Variants in RASA1 observed in about 807,000 individuals in gnomAD.
RASA1 encodes the protein ras GTPase-activating protein 1.
RASA1 carries 25 observed loss-of-function variants against 132.2 expected under a neutral mutation model. The observed-to-expected ratio is 0.19, with a 90% CI of 0.14 to 0.26. The LOEUF (loss-of-function observed/expected upper bound fraction) is 0.26, where lower values mean the gene tolerates loss of function less well. Ranked by LOEUF, RASA1 falls within the 10% of genes least tolerant of loss-of-function variation. The pLI is 1.00. For synonymous variants in RASA1, 477 were observed against 449.9 expected (o/e 1.06, Z -0.76); for missense variants, 964 against 1,299.2 (o/e 0.74, Z 3.97).
chr5:87,306,839 T>C (rs949578138), intron 1 of RASA1, among the ~76,000 whole-genome samples: 3 of 152,134 alleles, frequency 2.0e-5, no homozygotes, highest in Admixed American at 2.0e-4. Flanking sequence ...GTACTGTACA[T>C]GTATGTCTGC....
At chr5:87,270,692 T>G (rs1753793307) in intron 1 of RASA1, among the ~76,000 whole-genome samples, 1 of 134,762 alleles carries the variant, frequency 7.4e-6, no homozygotes, top group African/African-American at 2.8e-5. Context: ...TTGGATAAGC[T>G]TCTTTGGAGC....
intron 20 of RASA1, among the ~76,000 whole-genome samples, chr5:87,380,949 C>T (rs1161124561): frequency 6.6e-6 from 1 of 152,136 alleles, no homozygotes; most frequent in Non-Finnish European, 1.5e-5. Context: ...CAGTAATTGA[C>T]CGATTTAGAT....
intron 6 of RASA1, among the ~76,000 whole-genome samples, chr5:87,344,678 ATTTTTTTTT>A (rs113174684): frequency 7.6e-6 from 1 of 131,214 alleles, no homozygotes; most frequent in Non-Finnish European, 1.6e-5. Flanking sequence ...AAATGTTGTA[ATTTTTTTTT>A]TTTTTTTTTT....
In RASA1 at chr5:87,362,767, T is replaced by C. The variant is rs1760212038; in HGVS notation, c.1453+96T>C. 3 of 1,415,170 alleles carry C rather than the reference T, an allele frequency of 2.1e-6. No homozygotes were observed. In the South Asian group the frequency reaches 3.6e-5, roughly 17 times the overall value. The allele number at this position is 1,415,170 out of a possible 1,614,324, so 87.7% of individuals were successfully genotyped here. ...GATATATATTTAATAAGTTTTGACA[T>C]GAGTTATTAGTAATTGACACTTGTT... is the stretch of plus-strand genomic sequence containing the variant. On this transcript the variant is annotated intron_variant, in intron 10 of 24. Transcript: ENST00000274376.
intron 1 of RASA1, among the ~76,000 whole-genome samples, chr5:87,284,939 T>G (rs970584008): frequency 2.0e-5 from 3 of 152,084 alleles, no homozygotes; most frequent in African/African-American, 7.2e-5. Context: ...ACATTGTTTT[T>G]TAAGAACCTT....
At chr5:87,374,459 A>ATTTTTTTTTTT (rs770426797) in intron 14 of RASA1, 139 bp downstream of exon 14, 2 of 164,174 alleles carry the variant, frequency 1.2e-5, no homozygotes, top group African/African-American at 3.0e-5. Context: ...ATATATATAT[A>ATTTTTTTTTTT]TTTTTTTTTT....
intron 20 of RASA1, among the ~76,000 whole-genome samples, 167 bp downstream of exon 20, chr5:87,380,762 G>A (rs1300630799): frequency 6.6e-6 from 1 of 152,154 alleles, no homozygotes; most frequent in Admixed American, 6.5e-5. Context: ...AAGTTACTGT[G>A]AGATTTAGCT....
At chr5:87,331,310 C>A in intron 1 of RASA1, 38 bp from the exon 2 acceptor site, 1 of 1,554,432 alleles carries the variant, frequency 6.4e-7, no homozygotes. Context: ...TCTGCACTTG[C>A]TATTTATATT....
intron 6 of RASA1, among the ~76,000 whole-genome samples, chr5:87,341,780 A>G (rs1758484727): frequency 6.6e-6 from 1 of 152,072 alleles, no homozygotes; most frequent in African/African-American, 2.4e-5. Context: ...TCTTTTGAAG[A>G]TCTGAACCAT....
chr5:87,281,591 G>GTTTTT (rs1053482773), intron 1 of RASA1, among the ~76,000 whole-genome samples: 3 of 149,612 alleles, frequency 2.0e-5, no homozygotes, highest in African/African-American at 7.4e-5. Context: ...TTTTGTTTTT[G>GTTTTT]TTTTTTTGAG....
At chr5:87,361,816 T>G (rs901307649) in intron 9 of RASA1, among the ~76,000 whole-genome samples, 1 of 152,122 alleles carries the variant, frequency 6.6e-6, no homozygotes, top group African/African-American at 2.4e-5. Context: ...AGAAAGAACC[T>G]AATATAAATA....
At chr5:87,271,291 AT>A (rs1415892345) in intron 1 of RASA1, among the ~76,000 whole-genome samples, 2 of 152,144 alleles carry the variant, frequency 1.3e-5, no homozygotes, top group Non-Finnish European at 1.5e-5. Context: ...TTTGAAAAAA[AT>A]AGTTCAATTT....
In RASA1 at chr5:87,332,619, C is replaced by G. The variant is rs756002498; in HGVS notation, c.805C>G (p.Leu269Val). ...TTGTTTGCTTAAAGGAGAAAAATTA[C>G]TTTACCCAGTTGCACCACCAGAGGC... ...VSCLLKGEKL[L>V]YPVAPPEPVE... The change falls in exon 3 of 25, where the codon CTT becomes GTT. Residue 269 changes from leucine (L) to valine (V), a missense_variant. Physicochemically the swap from Leu to Val is conservative, Grantham distance 32. Around this residue, in one of 6 missense-constraint regions of RASA1, gnomAD observed 154 missense variants for 286.5 expected, o/e 0.54. Coordinates refer to ENST00000274376, the MANE Select transcript of RASA1 (RefSeq NM_002890.3). The G allele has an allele frequency of 1.2e-6, 2 of 1,610,728 alleles. No homozygotes were observed. The highest frequency in any genetic ancestry group is 4.5e-5 in the East Asian group (2 of 44,682).
At chr5:87,302,162 C>T (rs1469124277) in intron 1 of RASA1, among the ~76,000 whole-genome samples, 1 of 152,112 alleles carries the variant, frequency 6.6e-6, no homozygotes, top group Non-Finnish European at 1.5e-5. Context: ...TGAGTAGCAA[C>T]ATGTGAGAAT....
At chr5:87,285,474 A>G (rs1380248738) in intron 1 of RASA1, among the ~76,000 whole-genome samples, 1 of 152,092 alleles carries the variant, frequency 6.6e-6, no homozygotes, top group Admixed American at 6.6e-5. Flanking sequence ...AATAGGAGAA[A>G]AATTGTATTA....
intron 8 of RASA1, among the ~76,000 whole-genome samples, chr5:87,349,684 A>G (rs1012252342): frequency 1.3e-5 from 2 of 151,914 alleles, no homozygotes; most frequent in Non-Finnish European, 2.9e-5. Flanking sequence ...AAGAAAATAT[A>G]TCAACATTAT....
intron 5 of RASA1, among the ~76,000 whole-genome samples, chr5:87,339,681 A>G (rs926971088): frequency 6.6e-6 from 1 of 152,186 alleles, no homozygotes; most frequent in Admixed American, 6.5e-5. Context: ...TCACATCAGT[A>G]CAAGGGATCA....
intron 1 of RASA1, among the ~76,000 whole-genome samples, chr5:87,280,517 T>G (rs931975705): frequency 6.6e-6 from 1 of 151,806 alleles, no homozygotes; most frequent in African/African-American, 2.4e-5. Flanking sequence ...TTCACCATGT[T>G]GGCCAGGCCG....
intron 9 of RASA1, among the ~76,000 whole-genome samples, chr5:87,357,153 CTT>C (rs1759711357): frequency 6.6e-6 from 1 of 151,894 alleles, no homozygotes; most frequent in East Asian, 1.9e-4. Flanking sequence ...TCTTGTTTCA[CTT>C]TTTGAGTAAT....
Sources: gnomAD v4.1 joint callset for allele counts (sites outside exome capture counted in the v4.1 genomes callset) on GRCh38, gnomAD v4.1.1 for gene constraint, gnomAD v4.1.1 regional missense constraint, MANE v1.5 for transcripts, NCBI Gene and HGNC (gene_info 2026-07-23, HGNC 2026-07-21) for gene names.